NEU1: variants seen among roughly 807,000 people sequenced by gnomAD.
NEU1 encodes sialidase-1.
NEU1 carries 32 observed loss-of-function variants against 38.3 expected under a neutral mutation model. The ratio of observed to expected loss-of-function variants is 0.84; its 90% confidence interval spans 0.63 to 1.12. The LOEUF (loss-of-function observed/expected upper bound fraction) is 1.12. Among genes scored for constraint, NEU1 ranks in the 50% most tolerant of loss-of-function variants. The probability of loss-of-function intolerance (pLI) is 0.00; values close to 1 mark genes in which losing one functional copy is unlikely to be tolerated. For synonymous variants in NEU1, 192 were observed against 225.2 expected (o/e 0.85, Z 1.32); for missense variants, 431 against 549.2 (o/e 0.78, Z 2.15).
intron 2 of NEU1, 184 bp downstream of exon 2, chr6:31,861,815 A>G (rs1762526400): frequency 2.8e-6 from 2 of 724,682 alleles, no homozygotes; most frequent in African/African-American, 1.7e-5. Flanking sequence ...TGAATGTCCA[A>G]CTCCTTGGTG....
In NEU1 at chr6:31,860,455, T is replaced by C. The variant is rs574803012; in HGVS notation, c.782A>G (p.Asn261Ser). The change falls in exon 4 of 6, where the codon AAT becomes AGT. Residue 261 changes from asparagine to serine, a missense_variant. Transcript: ENST00000375631. This position sits in a 1 kb window ranked among gnomAD's most constrained non-coding sequence, Gnocchi z 4.8. ...ACTCCTGACCTGGCATTCATCAGGA[T>C]TGAAATCATTTTCCTGCTTGGGCTG... ...YGQPKQENDF[N>S]PDECQPYELP... 6.2e-6 allele frequency: 10 copies of C among 1,613,774 alleles called. No individual in the cohort carries two copies. The highest frequency in any genetic ancestry group is 1.1e-5 in the South Asian group (1 of 91,064).
In NEU1 at chr6:31,862,290, G is replaced by A; in HGVS notation, c.160-99C>T. 1.5e-6 allele frequency: 2 copies of A among 1,292,096 alleles called. No homozygotes were observed. The allele number at this position is 1,292,096 out of a possible 1,614,324, so 80.0% of individuals were successfully genotyped here. A position where few individuals can be genotyped will look rare whatever the true frequency, so the allele number is the denominator to read the frequency against. The stretch of plus-strand genomic sequence containing the variant: ...AGAGGGAGGATCTAATGGGGATCCC[G>A]AGTAGGGGATGGGGTCCCAGAACAA... On this transcript the variant is annotated intron_variant, in intron 1 of 5. Transcript: ENST00000375631. This position sits in a 1 kb window ranked among gnomAD's most constrained non-coding sequence, Gnocchi z 6.3.
chr6:31,862,005 C>T lies in NEU1; in HGVS notation c.346G>A (p.Asp116Asn), dbSNP rs756785843. The part of the protein sequence containing the change: ...AKFIALRRSM[D>N]QGSTWSPTAF... ...CACCCAGACATCTTTATACCCTGGT[C>T]CATGGACCTCCGCAGGGCGATGAAC... is the stretch of plus-strand genomic sequence containing the variant. Residue 116 changes from aspartate to asparagine, a missense_variant, in exon 2 of 6, where the codon GAC (aspartate) becomes AAC (asparagine). By Grantham distance (23) the Asp-to-Asn change is conservative. Coordinates refer to ENST00000375631, the MANE Select transcript of NEU1 (RefSeq NM_000434.4). The surrounding 1 kb of genome is among the most constrained non-coding windows in gnomAD (Gnocchi z 6.3). 1.9e-6 allele frequency: 3 copies of T among 1,612,984 alleles called. No homozygotes were observed. The highest frequency in any genetic ancestry group is 3.3e-5 in the Admixed American group (2 of 60,014).
At position 31,862,279 on chromosome 6, in the gene NEU1, A is replaced by C; in HGVS notation, c.160-88T>G. ...GTTCCGATGGGAGAGGGAGGATCTAATGGGGATCCCGAGTAGGGGATGGGG... is the reference window on the plus strand; with the variant it reads ...GTTCCGATGGGAGAGGGAGGATCTACTGGGGATCCCGAGTAGGGGATGGGG... On this transcript the variant is annotated intron_variant, in intron 1 of 5. Transcript: ENST00000375631. The surrounding 1 kb of genome is among the most constrained non-coding windows in gnomAD (Gnocchi z 6.3). 1 of 1,397,432 alleles carries C rather than the reference A, an allele frequency of 7.2e-7. No individual in the cohort carries two copies. The highest frequency in any genetic ancestry group is 1.0e-6 in the Non-Finnish European group (1 of 998,650). 86.6% of individuals were successfully genotyped at this position (1,397,432 alleles called of 1,614,324 possible). A position where few individuals can be genotyped will look rare whatever the true frequency, so the allele number is the denominator to read the frequency against.
Position 31,860,577 on chromosome 6 carries a change from A to G in NEU1, c.660T>C (p.His220=), listed in dbSNP as rs1218648962. 1 of 1,614,030 alleles carries G rather than the reference A, an allele frequency of 6.2e-7. No homozygotes were observed. The highest frequency in any genetic ancestry group is 8.5e-7 in the Non-Finnish European group (1 of 1,180,014). ...AGACTCCGTCCCGCTCCAGCGTCCC[A>G]TGGCCACACACGATGAGGCGGCCCT... The part of the protein sequence containing the change: ...PRKGRLIVCG[H]GTLERDGVFC... Residue 220 remains histidine, a synonymous_variant, in exon 4 of 6, where the codon CAT becomes CAC. Coordinates refer to ENST00000375631, the MANE Select transcript of NEU1 (RefSeq NM_000434.4). This position sits in a 1 kb window ranked among gnomAD's most constrained non-coding sequence, Gnocchi z 4.8.
In NEU1 at chr6:31,861,317, G is replaced by A. The variant is rs115588976; in HGVS notation, c.486C>T (p.Ala162=). Residue 162 remains alanine (A), a synonymous_variant, in exon 3 of 6, where the codon GCC becomes GCT. Transcript: ENST00000375631. ...FLFYSLCAHK[A]GCQVASTMLV... ...ACATGGTAGAGGCCACCTGGCAGCC[G>A]GCCTTGTGAGCACAAAGGGAGTAGA... 3.7e-3 allele frequency: 5,969 copies of A among 1,612,994 alleles called. 255 individuals carry two copies. The South Asian group carries it at 0.058, about 16-fold the overall frequency.
intron 3 of NEU1, 58 bp downstream of exon 3, chr6:31,861,130 G>T: frequency 6.2e-7 from 1 of 1,608,516 alleles, no homozygotes; most frequent in Admixed American, 1.7e-5. Flanking sequence ...TCCATTTGGG[G>T]GTATCCCTCA....
intron 3 of NEU1, 116 bp downstream of exon 3, chr6:31,861,072 C>T: frequency 6.7e-7 from 1 of 1,498,710 alleles, no homozygotes; most frequent in Non-Finnish European, 9.2e-7. Context: ...AGGAATCCCA[C>T]CCAAGCCAGA....
chr6:31,860,721 C>A lies in NEU1; in HGVS notation c.616-100G>T. 7.5e-7 allele frequency: 1 copy of A among 1,330,754 alleles called. No individual in the cohort carries two copies. Among genetic ancestry groups the A allele is most frequent in the South Asian group, 1.2e-5 (1 of 84,902 alleles). The allele number at this position is 1,330,754 out of a possible 1,614,324, so 82.4% of individuals were successfully genotyped here. On this transcript the variant is annotated intron_variant, in intron 3 of 5. Coordinates refer to ENST00000375631, the MANE Select transcript of NEU1 (RefSeq NM_000434.4). The surrounding 1 kb of genome is among the most constrained non-coding windows in gnomAD (Gnocchi z 4.8). ...TCCCAAATGCAATCACATGTATGGT[C>A]CCCTTGAGTTCAGCCCTTGCTCACT... is the stretch of plus-strand genomic sequence containing the variant.
chr6:31,861,444 G>T lies in NEU1; in HGVS notation c.359C>A (p.Thr120Lys). The T allele has an allele frequency of 6.2e-7, 1 of 1,612,852 alleles. No individual in the cohort carries two copies. Among genetic ancestry groups the T allele is most frequent in the Non-Finnish European group, 8.5e-7 (1 of 1,180,032 alleles). ...ALRRSMDQGS[T>K]WSPTAFIVND... ...GACAATGAACGCTGTAGGAGACCAT[G>T]TGCTGCCTGAAAAAAATTGGAGGAA... Residue 120 changes from threonine to lysine, a missense_variant, in exon 3 of 6, where the codon ACA becomes AAA. Physicochemically the swap from Thr to Lys is moderately conservative, Grantham distance 78. Transcript: ENST00000375631.
In NEU1 at chr6:31,860,450, C is replaced by G. The variant is rs776384857; in HGVS notation, c.787G>C (p.Asp263His). Reference sequence around the variant, plus strand: ...CATGGACTCCTGACCTGGCATTCATCAGGATTGAAATCATTTTCCTGCTTG... The same window carrying G: ...CATGGACTCCTGACCTGGCATTCATGAGGATTGAAATCATTTTCCTGCTTG... ...QPKQENDFNPDECQPYELPDG... is the reference protein window; with the variant it reads ...QPKQENDFNPHECQPYELPDG... The change falls in exon 4 of 6, where the codon GAT becomes CAT. Residue 263 changes from aspartate (D) to histidine (H), a missense_variant. Physicochemically the swap from Asp to His is moderately conservative, Grantham distance 81. Transcript: ENST00000375631. This position sits in a 1 kb window ranked among gnomAD's most constrained non-coding sequence, Gnocchi z 4.8. 6.2e-7 allele frequency: 1 copy of G among 1,614,034 alleles called. No homozygotes were observed. Among genetic ancestry groups the G allele is most frequent in the South Asian group, 1.1e-5 (1 of 91,074 alleles).
chr6:31,859,381 C>T lies in NEU1; in HGVS notation c.*338G>A, dbSNP rs1802187. On this transcript the variant is annotated 3_prime_UTR_variant, in exon 6 of 6. Transcript: ENST00000375631. Reference sequence around the variant, plus strand: ...AGAGGAGGCTCAGCCTTCCCCAGTTCCCTGAGTTCACATTGATTCAATTCT... The same window carrying T: ...AGAGGAGGCTCAGCCTTCCCCAGTTTCCTGAGTTCACATTGATTCAATTCT... 1.2e-4 allele frequency: 57 copies of T among 470,300 alleles called. No homozygotes were observed. The highest frequency in any genetic ancestry group is 2.0e-4 in the Non-Finnish European group (52 of 255,120). The allele number at this position is 470,300 out of a possible 1,614,324, so 29.1% of individuals were successfully genotyped here.
rs1762415029 is a variant in NEU1 at position 31,859,419 on chromosome 6, A to C, written c.*300T>G. 1 of 540,746 alleles carries C rather than the reference A, an allele frequency of 1.8e-6. No homozygotes were observed. The highest frequency in any genetic ancestry group is 1.9e-5 in the African/African-American group (1 of 52,894). 33.5% of individuals were successfully genotyped at this position (540,746 alleles called of 1,614,324 possible). On this transcript the variant is annotated 3_prime_UTR_variant, in exon 6 of 6. Coordinates refer to ENST00000375631, the MANE Select transcript of NEU1 (RefSeq NM_000434.4). ...TTGATTCAATTCTACAGCTCACTAG[A>C]CCTGCCCAAGACAGGACCAATCAAT...
chr6:31,861,080 A>G (rs1762488919), intron 3 of NEU1, 108 bp downstream of exon 3: 1 of 1,538,274 alleles, frequency 6.5e-7, no homozygotes, highest in Non-Finnish European at 8.9e-7. Flanking sequence ...CACCCAAGCC[A>G]GAAAATCTGA....
intron 2 of NEU1, 156 bp from the exon 3 acceptor site, chr6:31,861,606 G>C: frequency 1.1e-6 from 1 of 876,316 alleles, no homozygotes; most frequent in Non-Finnish European, 1.8e-6. Context: ...CTCTTGTCCT[G>C]TTTTATTTTT....
intron 2 of NEU1, 137 bp downstream of exon 2, chr6:31,861,862 C>A: frequency 1.1e-6 from 1 of 944,244 alleles, no homozygotes; most frequent in East Asian, 2.4e-5. Context: ...GACACTTGCC[C>A]TTCTCGGGTT....
In NEU1 at chr6:31,860,824, T is replaced by C; in HGVS notation, c.616-203A>G. The C allele has an allele frequency of 1.5e-6, 1 of 666,330 alleles. No individual in the cohort carries two copies. The highest frequency in any genetic ancestry group is 2.6e-6 in the Non-Finnish European group (1 of 383,400). 41.3% of individuals were successfully genotyped at this position (666,330 alleles called of 1,614,324 possible). A position where few individuals can be genotyped will look rare whatever the true frequency, so the allele number is the denominator to read the frequency against. On this transcript the variant is annotated intron_variant, in intron 3 of 5. Coordinates refer to ENST00000375631, the MANE Select transcript of NEU1 (RefSeq NM_000434.4). This position sits in a 1 kb window ranked among gnomAD's most constrained non-coding sequence, Gnocchi z 4.8. ...CTCCCAGGGTGTACAGCTGGACATG[T>C]GCACCAGGGGCCCAGCCACAGGGTG...
Position 31,860,174 on chromosome 6 carries a change from C to T in NEU1, c.889G>A (p.Asp297Asn), listed in dbSNP as rs1762451573. Residue 297 changes from aspartate to asparagine, a missense_variant, in exon 5 of 6, where the codon GAT becomes AAT. Transcript: ENST00000375631. This position sits in a 1 kb window ranked among gnomAD's most constrained non-coding sequence, Gnocchi z 4.8. ...CGGGGCCTTAGTGTATCACAGGCAT[C>T]ATAGCTGCGGAGGACAATTCGGCAG... ...CHCRIVLRSY[D>N]ACDTLRPRDV... is the part of the protein sequence containing the mutation. 4 of 1,613,006 alleles carry T rather than the reference C, an allele frequency of 2.5e-6. No homozygotes were observed. Among genetic ancestry groups the T allele is most frequent in the Non-Finnish European group, 1.7e-6 (2 of 1,180,002 alleles).
chr6:31,859,827 C>T lies in NEU1; in HGVS notation c.1140G>A (p.Met380Ile), dbSNP rs1322987199. 2 of 1,613,108 alleles carry T rather than the reference C, an allele frequency of 1.2e-6. No individual in the cohort carries two copies. Among genetic ancestry groups the T allele is most frequent in the Non-Finnish European group, 8.5e-7 (1 of 1,180,038 alleles). Residue 380 changes from methionine to isoleucine, a missense_variant, in exon 6 of 6, where the codon ATG becomes ATA. Transcript: ENST00000375631. ...YSSLATLEGS[M>I]DGEEQAPQLY... ...GCTGGGGGGCCTGCTCCTCTCCATC[C>T]ATGCTGCCCTCCAGGGTTGCCAGGG...
Sources: allele counts gnomAD v4.1 joint callset, GRCh38; gene constraint gnomAD v4.1.1; non-coding constraint Gnocchi (gnomAD v3.1); transcripts MANE v1.5; gene names NCBI Gene and HGNC (gene_info 2026-07-23, HGNC 2026-07-21).